Variants in STARD13 observed in about 807,000 individuals in gnomAD.
STARD13 encodes the protein StAR related lipid transfer domain containing 13.
Under a neutral mutation model 106.4 loss-of-function variants are expected in STARD13, and 62 were observed. The ratio of observed to expected loss-of-function variants is 0.58; its 90% CI spans 0.48 to 0.72. STARD13 has a LOEUF of 0.72. STARD13 is among the 30% of genes least tolerant of loss of function. The pLI is 0.00. For synonymous variants in STARD13, 565 were observed against 553.0 expected (o/e 1.02, Z -0.31); for missense variants, 1,387 against 1,424.0 (o/e 0.97, Z 0.42).
At chr13:33,229,412 G>T (rs1036380211) in intron 1 of STARD13, among the ~76,000 whole-genome samples, 1 of 152,226 alleles carries the variant, frequency 6.6e-6, no homozygotes, top group Non-Finnish European at 1.5e-5. Context: ...GATTTGCCAG[G>T]ACAACCGCAA....
the STARD13 span, among the ~76,000 whole-genome samples, chr13:33,580,882 CA>C: frequency 6.6e-6 from 1 of 152,006 alleles, no homozygotes; most frequent in East Asian, 1.9e-4. Context: ...AAAAAAGTAT[CA>C]AAACTGTAAG....
At chr13:33,536,427 A>C in the STARD13 span, among the ~76,000 whole-genome samples, 2 of 152,252 alleles carry the variant, frequency 1.3e-5, no homozygotes, top group Non-Finnish European at 2.9e-5. Context: ...TTAGGAAATA[A>C]GAGTATTTGA....
At chr13:33,187,141 G>A (rs1003640744) in intron 1 of STARD13, among the ~76,000 whole-genome samples, 104 of 152,240 alleles carry the variant, frequency 6.8e-4, no homozygotes, top group African/African-American at 2.4e-3. Flanking sequence ...CTCTAACCTT[G>A]TGGCTTAACT....
chr13:33,246,504 A>G (rs1337390435), intron 1 of STARD13, among the ~76,000 whole-genome samples: 2 of 152,188 alleles, frequency 1.3e-5, no homozygotes, highest in African/African-American at 4.8e-5. Flanking sequence ...TTTAAGTTTC[A>G]TATTTCAATA....
chr13:33,451,039 G>A, the STARD13 span, among the ~76,000 whole-genome samples: 7 of 152,000 alleles, frequency 4.6e-5, no homozygotes, highest in Admixed American at 2.6e-4. Context: ...CATGCCACCA[G>A]GCCTGGCTAA....
chr13:33,260,682 A>G (rs892909672), intron 1 of STARD13, among the ~76,000 whole-genome samples: 1 of 152,224 alleles, frequency 6.6e-6, no homozygotes, highest in Non-Finnish European at 1.5e-5. Flanking sequence ...ATCAACTAAT[A>G]TCTAGATATT....
intron 4 of STARD13, 78 bp downstream of exon 4, chr13:33,142,232 A>T: frequency 9.2e-7 from 1 of 1,084,778 alleles, no homozygotes. Context: ...CAAGGGTCTC[A>T]CTATGTTGCT....
intron 4 of STARD13, among the ~76,000 whole-genome samples, chr13:33,139,798 T>C (rs1879573416): frequency 1.3e-5 from 2 of 152,152 alleles, no homozygotes; most frequent in African/African-American, 4.8e-5. Context: ...ATAAAGTCTA[T>C]GGCTTGTGTA....
chr13:33,171,826 C>T (rs1341941101), intron 1 of STARD13, among the ~76,000 whole-genome samples: 1 of 152,228 alleles, frequency 6.6e-6, no homozygotes, highest in Non-Finnish European at 1.5e-5. Flanking sequence ...TGCGATTCCA[C>T]TTAAGGCAAA....
At chr13:33,499,195 C>G in the STARD13 span, among the ~76,000 whole-genome samples, 1 of 151,998 alleles carries the variant, frequency 6.6e-6, no homozygotes, top group East Asian at 1.9e-4. Flanking sequence ...ACAGAGTGAG[C>G]CTCAGAAATT....
intron 1 of STARD13, chr13:33,350,250 C>T (rs2078062010): frequency 1.3e-6 from 2 of 1,508,146 alleles, no homozygotes; most frequent in Non-Finnish European, 1.8e-6. Flanking sequence ...GCCGGCGCCT[C>T]CCCCGCCCCC....
At chr13:33,663,254 G>A in the STARD13 span, among the ~76,000 whole-genome samples, 1 of 151,790 alleles carries the variant, frequency 6.6e-6, no homozygotes, top group East Asian at 1.9e-4. Flanking sequence ...CCTGGCCAAC[G>A]ATATTCTTTC....
At chr13:33,445,156 G>A in the STARD13 span, among the ~76,000 whole-genome samples, 1 of 152,108 alleles carries the variant, frequency 6.6e-6, no homozygotes, top group South Asian at 2.1e-4. Context: ...AAACTAGAAA[G>A]CAGTTTCAAC....
the STARD13 span, among the ~76,000 whole-genome samples, chr13:33,576,304 C>G: frequency 6.6e-6 from 1 of 152,172 alleles, no homozygotes; most frequent in Non-Finnish European, 1.5e-5. Flanking sequence ...CTCACTGCAG[C>G]CTTGAACTCC....
intron 1 of STARD13, among the ~76,000 whole-genome samples, chr13:33,304,037 C>T (rs536040385): frequency 4.6e-5 from 7 of 152,208 alleles, no homozygotes; most frequent in Non-Finnish European, 8.8e-5. Context: ...GATGACTTGG[C>T]ACAATGAAAG....
intron 4 of STARD13, among the ~76,000 whole-genome samples, chr13:33,131,555 C>A (rs1184512201): frequency 6.6e-6 from 1 of 152,040 alleles, no homozygotes; most frequent in African/African-American, 2.4e-5. Flanking sequence ...TGCACCCCAG[C>A]CGCAGCAACA....
the STARD13 span, among the ~76,000 whole-genome samples, chr13:33,662,067 C>T: frequency 6.6e-6 from 1 of 151,888 alleles, no homozygotes; most frequent in Non-Finnish European, 1.5e-5. Context: ...TCGAGACCAT[C>T]CTGGCTAACA....
At chr13:33,349,533 C>T (rs1277180749) in intron 1 of STARD13, among the ~76,000 whole-genome samples, 1 of 152,192 alleles carries the variant, frequency 6.6e-6, no homozygotes, top group African/African-American at 2.4e-5. Flanking sequence ...CAGCAAGGGG[C>T]AGTGTGACAC....
intron 1 of STARD13, among the ~76,000 whole-genome samples, chr13:33,259,707 A>G (rs1295025386): frequency 2.6e-5 from 4 of 152,194 alleles, no homozygotes; most frequent in Admixed American, 1.3e-4. Flanking sequence ...ATCATTACCA[A>G]TATTCCAAAT....
Sources: allele counts gnomAD v4.1 joint callset (sites outside exome capture counted in the v4.1 genomes callset), GRCh38; gene constraint gnomAD v4.1.1; transcripts MANE v1.5; gene names NCBI Gene and HGNC (gene_info 2026-07-23, HGNC 2026-07-21).